The following FGF14 variants were observed in gnomAD, a reference collection of about 807,000 sequenced individuals.
FGF14 encodes the protein fibroblast growth factor homologous factor 4.
In FGF14, 5 loss-of-function variants were observed where a neutral mutation model predicts 25.5. The observed-to-expected ratio is 0.20, with a 90% CI of 0.10 to 0.41. FGF14 has a LOEUF of 0.41. Ranked by LOEUF, FGF14 falls within the 10% of genes least tolerant of loss-of-function variation. The pLI, the probability that FGF14 is intolerant of heterozygous loss-of-function variation, is 1.00. For missense variants in FGF14, 222 were observed against 320.1 expected (o/e 0.69, Z 2.34); for synonymous variants, 138 against 118.3 (o/e 1.17, Z -1.08).
intron 1 of FGF14, among the ~76,000 whole-genome samples, chr13:101,980,690 T>A (rs917831095): frequency 2.6e-5 from 4 of 152,168 alleles, no homozygotes; most frequent in African/African-American, 9.7e-5. Context: ...TCTTACCAAG[T>A]GCCAACAAGC....
intron 1 of FGF14, among the ~76,000 whole-genome samples, chr13:102,010,604 GA>G (rs1481304909): frequency 6.6e-6 from 1 of 152,148 alleles, no homozygotes; most frequent in Non-Finnish European, 1.5e-5. Context: ...TGAGTTTCTG[GA>G]AAAACCTAGG....
At chr13:101,827,107 T>C (rs2042428205) in intron 3 of FGF14, among the ~76,000 whole-genome samples, 1 of 152,036 alleles carries the variant, frequency 6.6e-6, no homozygotes, top group Non-Finnish European at 1.5e-5. Flanking sequence ...CTATTTTTGT[T>C]AATACATAAT....
At chr13:102,195,632 T>C (rs2140849138) in intron 1 of FGF14, among the ~76,000 whole-genome samples, 1 of 151,048 alleles carries the variant, frequency 6.6e-6, no homozygotes, top group Non-Finnish European at 1.5e-5. Flanking sequence ...GACAACATGG[T>C]GAAACCCCAT....
At chr13:102,030,272 C>A (rs1016982768) in intron 1 of FGF14, among the ~76,000 whole-genome samples, 1 of 152,026 alleles carries the variant, frequency 6.6e-6, no homozygotes, top group Admixed American at 6.6e-5. Flanking sequence ...AGTTAATATG[C>A]TTTTCTAATC....
chr13:101,953,203 T>C (rs763280104), intron 1 of FGF14, among the ~76,000 whole-genome samples: 1 of 152,238 alleles, frequency 6.6e-6, no homozygotes, highest in Non-Finnish European at 1.5e-5. Context: ...CCTTCACCTG[T>C]TCTGTTTGCA....
At chr13:102,082,252 AC>A (rs1411020674) in intron 1 of FGF14, among the ~76,000 whole-genome samples, 3 of 151,752 alleles carry the variant, frequency 2.0e-5, no homozygotes, top group South Asian at 2.1e-4. Context: ...AAAAAAAAAA[AC>A]AGTGTACTTC....
intron 1 of FGF14, among the ~76,000 whole-genome samples, chr13:102,078,911 C>T (rs142654414): frequency 2.6e-5 from 4 of 152,266 alleles, no homozygotes; most frequent in African/African-American, 4.8e-5. Flanking sequence ...CTCTGAGAAA[C>T]GTGGTGGCTA....
intron 1 of FGF14, among the ~76,000 whole-genome samples, chr13:102,362,346 T>C (rs996523202): frequency 6.6e-6 from 1 of 152,200 alleles, no homozygotes; most frequent in Non-Finnish European, 1.5e-5. Flanking sequence ...ATGTCAAGTA[T>C]TATCTCATTT....
intron 3 of FGF14, among the ~76,000 whole-genome samples, chr13:101,815,521 AC>A (rs2041798176): frequency 1.3e-5 from 2 of 152,162 alleles, no homozygotes; most frequent in Admixed American, 6.5e-5. Flanking sequence ...AGCACTGAAA[AC>A]AAGAGAAGGG....
intron 1 of FGF14, among the ~76,000 whole-genome samples, chr13:101,972,068 T>C (rs9557765): frequency 0.34 from 52,221 of 152,148 alleles, 9,430 homozygotes; most frequent in East Asian, 0.71. Flanking sequence ...CAAATGTTTC[T>C]GCCCCTCTAC....
chr13:101,984,143 T>A (rs934819630), intron 1 of FGF14, among the ~76,000 whole-genome samples: 3 of 152,012 alleles, frequency 2.0e-5, no homozygotes, highest in Admixed American at 1.3e-4. Context: ...GTAAAGTAAC[T>A]GCTATGGAAT....
chr13:102,035,811 G>C (rs1178013699), intron 1 of FGF14, among the ~76,000 whole-genome samples: 3 of 152,142 alleles, frequency 2.0e-5, no homozygotes, highest in African/African-American at 7.2e-5. Flanking sequence ...TTACCAGACA[G>C]TCACCAATAT....
At chr13:102,236,711 T>G (rs2051343047) in intron 1 of FGF14, among the ~76,000 whole-genome samples, 1 of 152,180 alleles carries the variant, frequency 6.6e-6, no homozygotes, top group Non-Finnish European at 1.5e-5. Context: ...CAATTCACAC[T>G]GAGCAAAGAA....
At chr13:102,378,450 C>G (rs879484134) in intron 1 of FGF14, among the ~76,000 whole-genome samples, 3 of 151,916 alleles carry the variant, frequency 2.0e-5, no homozygotes, top group Non-Finnish European at 4.4e-5. Context: ...AAATACTATA[C>G]AAATAAAAAT....
At chr13:101,745,294 T>C (rs1441668899) in intron 3 of FGF14, among the ~76,000 whole-genome samples, 1 of 151,964 alleles carries the variant, frequency 6.6e-6, no homozygotes, top group Non-Finnish European at 1.5e-5. Context: ...TCCTCCCCAT[T>C]ATCAGCGTCC....
intron 3 of FGF14, among the ~76,000 whole-genome samples, chr13:101,856,925 C>T (rs990904019): frequency 3.3e-5 from 5 of 151,908 alleles, no homozygotes; most frequent in South Asian, 2.1e-4. Context: ...ACGTGGTCTA[C>T]GGTATAGGTA....
chr13:102,060,249 G>A (rs2042620405), intron 1 of FGF14, among the ~76,000 whole-genome samples: 1 of 152,202 alleles, frequency 6.6e-6, no homozygotes, highest in Non-Finnish European at 1.5e-5. Flanking sequence ...ATCTGGGCAG[G>A]TCGTGGTGGC....
chr13:101,918,516 AC>A (rs1440667760), upstream of FGF14, among the ~76,000 whole-genome samples: 1 of 152,178 alleles, frequency 6.6e-6, no homozygotes, highest in Non-Finnish European at 1.5e-5. Flanking sequence ...CAAGCACACT[AC>A]GCAGGCAGCC....
chr13:102,076,734 T>C (rs2043380398), intron 1 of FGF14, among the ~76,000 whole-genome samples: 2 of 152,092 alleles, frequency 1.3e-5, no homozygotes, highest in African/African-American at 2.4e-5. Context: ...GCAATCTCTA[T>C]CAAAATGACA....
Sources: gnomAD v4.1 joint callset for allele counts (sites outside exome capture counted in the v4.1 genomes callset) on GRCh38, gnomAD v4.1.1 for gene constraint, MANE v1.5 for transcripts, NCBI Gene and HGNC (gene_info 2026-07-23, HGNC 2026-07-21) for gene names.